The following CGNL1 variants were observed in gnomAD, a reference collection of about 807,000 sequenced individuals.
The protein encoded by CGNL1 is cingulin-like protein 1.
A neutral mutation model predicts 141.2 loss-of-function variants in CGNL1; 132 were observed. The observed-to-expected ratio is 0.93, with a 90% CI of 0.81 to 1.08. CGNL1 has a LOEUF of 1.08. Ranked by LOEUF, CGNL1 falls within the 50% of genes least tolerant of loss-of-function variation. The pLI is 0.00. For synonymous variants in CGNL1, 690 were observed against 622.1 expected, an observed-to-expected ratio of 1.11 and a Z score of -1.63; for missense variants, 1,870 against 1,588.6, an observed-to-expected ratio of 1.18 and a Z score of -3.01.
intron 1 of CGNL1, among the ~76,000 whole-genome samples, chr15:57,400,885 A>AT (rs1310508608): frequency 7.6e-6 from 1 of 131,386 alleles, no homozygotes; most frequent in African/African-American, 2.9e-5. Context: ...CCTGTCTCAA[A>AT]TTAAAAAAAA....
chr15:57,467,717 C>A (rs1225406647), intron 8 of CGNL1, among the ~76,000 whole-genome samples: 4 of 108,174 alleles, frequency 3.7e-5, no homozygotes, highest in African/African-American at 7.3e-5. Context: ...GAGATGGAGT[C>A]TGACTCTTGT....
At chr15:57,476,874 G>C (rs1294309720) in intron 8 of CGNL1, among the ~76,000 whole-genome samples, 1 of 152,232 alleles carries the variant, frequency 6.6e-6, no homozygotes, top group Non-Finnish European at 1.5e-5. Context: ...GTGAGTAGGA[G>C]TTGGGGACTG....
intron 1 of CGNL1, among the ~76,000 whole-genome samples, chr15:57,380,139 C>G (rs181141302): frequency 2.2e-4 from 33 of 152,268 alleles, no homozygotes; most frequent in African/African-American, 7.9e-4. Context: ...TTAAAGCAAT[C>G]CTCCCTGCCT....
intron 18 of CGNL1, among the ~76,000 whole-genome samples, chr15:57,546,522 T>G (rs1455112104): frequency 3.3e-5 from 5 of 152,184 alleles, no homozygotes; most frequent in African/African-American, 1.2e-4. Context: ...TTAGGGCAGA[T>G]AAGACTAGCT....
intron 1 of CGNL1, chr15:57,401,878 G>A (rs2062664255): frequency 6.6e-6 from 1 of 152,198 alleles, no homozygotes; most frequent in Non-Finnish European, 1.5e-5. Context: ...TGATGGGCTA[G>A]TGAGTTAAGC....
rs566261228 is a variant in CGNL1 at position 57,548,909 on chromosome 15, G to C, written c.*1419G>C. ...ACAGAGAAGTTCTTGAAAGCTGGGGGATGTGTGGGCAAGAGGTGGATTGAG... is the reference window on the plus strand; with the variant it reads ...ACAGAGAAGTTCTTGAAAGCTGGGGCATGTGTGGGCAAGAGGTGGATTGAG... On this transcript the variant is annotated 3_prime_UTR_variant, in exon 19 of 19. Coordinates refer to ENST00000281282, the MANE Select transcript of CGNL1 (RefSeq NM_032866.5). The C allele has an allele frequency of 6.5e-6, 1 of 152,710 alleles. No individual in the cohort carries two copies. The highest frequency in any genetic ancestry group is 1.9e-4 in the East Asian group (1 of 5,192). The allele number at this position is 152,710 out of a possible 1,614,324, so 9.5% of individuals were successfully genotyped here.
rs534135428 is a variant in CGNL1, at chr15:57,544,133, AC to A, written c.3376-339del. ...GATTTCTGTTCATGTTCTTCACTGCACAGGACTGGCAAAGGAGCCTATTTCT... is the reference window on the plus strand; with the variant it reads ...GATTTCTGTTCATGTTCTTCACTGCAAGGACTGGCAAAGGAGCCTATTTCT... On this transcript the variant is annotated intron_variant, in intron 15 of 18. Transcript: ENST00000281282. Among the ~76,000 whole-genome samples the A allele has an allele frequency of 3.9e-5, 6 of 152,308 alleles. No individual in the cohort carries two copies. In the East Asian group the frequency reaches 1.2e-3, roughly 29 times the overall value.
chr15:57,473,503 G>C (rs1246000053), intron 8 of CGNL1, among the ~76,000 whole-genome samples: 5 of 152,156 alleles, frequency 3.3e-5, no homozygotes, highest in Non-Finnish European at 4.4e-5. Context: ...TGAGCCTTCT[G>C]GGCCTCTTGC....
At position 57,401,699 on chromosome 15, in the gene CGNL1, G is replaced by T. The variant is rs141127935; in HGVS notation, c.-16+25132G>T. Among the ~76,000 whole-genome samples, 631 of 152,164 alleles carry T rather than the reference G, an allele frequency of 4.1e-3. 2 individuals carry two copies. Among genetic ancestry groups the T allele is most frequent in the African/African-American group, 0.014 (568 of 41,492 alleles). ...CTGAACTTAGTAGCACTCCAAATTGGCTCATTCTCAAATTTCCTTATGACG... is the reference window on the plus strand; with the variant it reads ...CTGAACTTAGTAGCACTCCAAATTGTCTCATTCTCAAATTTCCTTATGACG... On this transcript the variant is annotated intron_variant, in intron 1 of 18. Transcript: ENST00000281282.
chr15:57,477,795 T>C (rs1306038200), intron 8 of CGNL1, among the ~76,000 whole-genome samples: 2 of 152,150 alleles, frequency 1.3e-5, no homozygotes, highest in Non-Finnish European at 2.9e-5. Context: ...GTTCAACTCA[T>C]TGCCACTTCC....
intron 7 of CGNL1, among the ~76,000 whole-genome samples, chr15:57,454,760 A>G (rs2063358748): frequency 6.6e-6 from 1 of 152,148 alleles, no homozygotes; most frequent in South Asian, 2.1e-4. Flanking sequence ...TTATCAAATG[A>G]TTCCTTAAAA....
chr15:57,400,781 G>A (rs567024227), intron 1 of CGNL1, among the ~76,000 whole-genome samples: 1 of 151,642 alleles, frequency 6.6e-6, no homozygotes, highest in African/African-American at 2.4e-5. Flanking sequence ...TACTTGGGAG[G>A]CTGAGGCAGG....
intron 8 of CGNL1, among the ~76,000 whole-genome samples, chr15:57,466,598 G>A (rs1401623344): frequency 6.6e-6 from 1 of 152,058 alleles, no homozygotes; most frequent in Non-Finnish European, 1.5e-5. Context: ...ACTAGGTACT[G>A]TCATCATCTT....
At chr15:57,386,047 G>A (rs111900553) in intron 1 of CGNL1, among the ~76,000 whole-genome samples, 17 of 152,262 alleles carry the variant, frequency 1.1e-4, no homozygotes, top group African/African-American at 3.6e-4. Context: ...GGAATTTAAC[G>A]TTTTATTGAT....
chr15:57,393,099 G>A (rs2062561026), intron 1 of CGNL1, among the ~76,000 whole-genome samples: 1 of 152,192 alleles, frequency 6.6e-6, no homozygotes, highest in Non-Finnish European at 1.5e-5. Context: ...AGGGGAGGTA[G>A]AGTACTACCC....
intron 14 of CGNL1, among the ~76,000 whole-genome samples, chr15:57,533,342 C>T (rs2032063887): frequency 6.6e-6 from 1 of 152,198 alleles, no homozygotes; most frequent in South Asian, 2.1e-4. Flanking sequence ...TTGACATCTC[C>T]TCTACTGCCC....
At chr15:57,493,142 A>G (rs764570551) in intron 8 of CGNL1, among the ~76,000 whole-genome samples, 11 of 152,216 alleles carry the variant, frequency 7.2e-5, no homozygotes, top group Non-Finnish European at 4.4e-5. Flanking sequence ...TAGTGAGTTT[A>G]TGATTTCAAA....
chr15:57,420,263 T>A (rs111595939), intron 1 of CGNL1, among the ~76,000 whole-genome samples: 3 of 152,184 alleles, frequency 2.0e-5, no homozygotes, highest in African/African-American at 7.2e-5. Context: ...TAGGTACTCA[T>A]TGATACTGGA....
chr15:57,477,238 T>A (rs2063668134), intron 8 of CGNL1, among the ~76,000 whole-genome samples: 1 of 152,162 alleles, frequency 6.6e-6, no homozygotes, highest in South Asian at 2.1e-4. Flanking sequence ...TAGAGATAGA[T>A]CTGAAAGCAT....
Sources: gnomAD v4.1 joint callset for allele counts (sites outside exome capture counted in the v4.1 genomes callset) on GRCh38, gnomAD v4.1.1 for gene constraint, MANE v1.5 for transcripts, NCBI Gene and HGNC (gene_info 2026-07-23, HGNC 2026-07-21) for gene names.